CCDC66: variants seen among roughly 807,000 people sequenced by gnomAD.
CCDC66 encodes the protein coiled-coil domain containing 66.
CCDC66 carries 133 observed loss-of-function variants against 128.3 expected under a neutral mutation model. The ratio of observed to expected loss-of-function variants is 1.04; its 90% confidence interval spans 0.90 to 1.20. The LOEUF is 1.20. CCDC66 is among the 50% of genes most tolerant of loss of function. The probability of loss-of-function intolerance (pLI) is 0.00; values close to 1 mark genes in which losing one functional copy is unlikely to be tolerated. For synonymous variants in CCDC66, 387 were observed against 357.0 expected (o/e 1.08, Z -0.95); for missense variants, 1,126 against 1,075.5 (o/e 1.05, Z -0.66).
At chr3:56,610,625 TG>T (rs758514545) in intron 10 of CCDC66, among the ~76,000 whole-genome samples, 1 of 152,130 alleles carries the variant, frequency 6.6e-6, no homozygotes, top group Non-Finnish European at 1.5e-5. Flanking sequence ...GTGTGATTTT[TG>T]GGGGGGTGTT....
Position 56,563,837 on chromosome 3 carries a change from G to T in CCDC66, c.256G>T (p.Gly86Ter), listed in dbSNP as rs757581994. The change falls in exon 4 of 18, where the codon GGA becomes TGA. Residue 86 changes from glycine to a stop codon, truncating the protein, a stop_gained. Coordinates refer to ENST00000394672, the MANE Select transcript of CCDC66 (RefSeq NM_001141947.3). LOFTEE classifies it high-confidence loss of function. ...ATCACAGGCAAAAGGTGAAAAAAAT[G>T]GAATGACTTTTTCATCCACTAAGGA... ...ETSQAKGEKN[G>*]MTFSSTKDLC... The T allele has an allele frequency of 5.7e-6, 9 of 1,568,608 alleles. No individual in the cohort carries two copies. The highest frequency in any genetic ancestry group is 1.4e-5 in the African/African-American group (1 of 73,396).
chr3:56,613,010 G>A (rs1490661863), intron 10 of CCDC66, among the ~76,000 whole-genome samples: 1 of 152,228 alleles, frequency 6.6e-6, no homozygotes, highest in Non-Finnish European at 1.5e-5. Flanking sequence ...TTTGCTTTCA[G>A]TGGGTTGCTC....
intron 7 of CCDC66, among the ~76,000 whole-genome samples, chr3:56,573,418 G>A (rs1211159973): frequency 6.6e-6 from 1 of 152,202 alleles, no homozygotes; most frequent in Non-Finnish European, 1.5e-5. Flanking sequence ...GAAACTTCAA[G>A]GTGTTGGGGA....
At chr3:56,585,136 G>A (rs1233027300) in intron 7 of CCDC66, among the ~76,000 whole-genome samples, 1 of 120,098 alleles carries the variant, frequency 8.3e-6, no homozygotes, top group Non-Finnish European at 1.9e-5. Flanking sequence ...GGAGAGGGAG[G>A]GAGAGGGAGA....
chr3:56,573,324 C>G lies in CCDC66; in HGVS notation c.936+2022C>G, dbSNP rs139943751. Among the ~76,000 whole-genome samples, 431 of 152,206 alleles carry G rather than the reference C, an allele frequency of 2.8e-3. 6 individuals are homozygous for G. The highest frequency in any genetic ancestry group is 0.01 in the African/African-American group (417 of 41,542). ...AGGCTCATGAATTTGGAAAGGAGAA[C>G]TTTATTTCTCATCAGCAGTTGCAAC... On this transcript the variant is annotated intron_variant, in intron 7 of 17. Coordinates refer to ENST00000394672, the MANE Select transcript of CCDC66 (RefSeq NM_001141947.3).
In CCDC66 at chr3:56,619,561, T is replaced by C. The variant is rs558312694; in HGVS notation, c.2635+34T>C. 111 of 1,533,148 alleles carry C rather than the reference T, an allele frequency of 7.2e-5. No individual in the cohort carries two copies. In the South Asian group the frequency reaches 1.3e-3, roughly 17 times the overall value. 95.0% of individuals were successfully genotyped at this position (1,533,148 alleles called of 1,614,324 possible). On this transcript the variant is annotated intron_variant, in intron 16 of 17. Coordinates refer to ENST00000394672, the MANE Select transcript of CCDC66 (RefSeq NM_001141947.3). ...ATATTAAGCATTCTAACTGTAAAAA[T>C]TGAAGACCCATGTAAACCCCGTCAA... is the stretch of plus-strand genomic sequence containing the variant.
intron 6 of CCDC66, among the ~76,000 whole-genome samples, chr3:56,567,942 G>A (rs560253840): frequency 3.9e-5 from 6 of 152,072 alleles, no homozygotes; most frequent in Admixed American, 6.6e-5. Context: ...CACCTGCCTC[G>A]GCCTCCCAAA....
chr3:56,608,629 TTG>T (rs1291382463), intron 10 of CCDC66, among the ~76,000 whole-genome samples: 2 of 152,182 alleles, frequency 1.3e-5, no homozygotes, highest in Admixed American at 6.5e-5. Context: ...CTGATGTTGG[TTG>T]TTTCCTTTCT....
chr3:56,621,679 C>A lies in CCDC66; in HGVS notation c.*61C>A. On this transcript the variant is annotated 3_prime_UTR_variant, in exon 18 of 18. Coordinates refer to ENST00000394672, the MANE Select transcript of CCDC66 (RefSeq NM_001141947.3). ...TCTTCCAAATTATAAAATGTGCTCACTGGCTCAACTGTATTTTTCAAATAG... is the reference window on the plus strand; with the variant it reads ...TCTTCCAAATTATAAAATGTGCTCAATGGCTCAACTGTATTTTTCAAATAG... 8.9e-7 allele frequency: 1 copy of A among 1,128,050 alleles called. No homozygotes were observed. Among genetic ancestry groups the A allele is most frequent in the Non-Finnish European group, 1.3e-6 (1 of 772,056 alleles). The allele number at this position is 1,128,050 out of a possible 1,614,324, so 69.9% of individuals were successfully genotyped here. A position where few individuals can be genotyped will look rare whatever the true frequency, so the allele number is the denominator to read the frequency against.
chr3:56,562,207 C>G (rs2065196732), intron 3 of CCDC66, among the ~76,000 whole-genome samples: 1 of 151,708 alleles, frequency 6.6e-6, no homozygotes, highest in South Asian at 2.1e-4. Flanking sequence ...CCACCAGGCT[C>G]AGTTAATTGT....
intron 12 of CCDC66, among the ~76,000 whole-genome samples, chr3:56,615,593 A>G (rs957013044): frequency 6.6e-6 from 1 of 152,224 alleles, no homozygotes; most frequent in Non-Finnish European, 1.5e-5. Context: ...TTGTAGGAAT[A>G]TCAGACTTTA....
intron 3 of CCDC66, among the ~76,000 whole-genome samples, chr3:56,562,880 C>G (rs2065286231): frequency 6.6e-6 from 1 of 151,504 alleles, no homozygotes; most frequent in Non-Finnish European, 1.5e-5. Context: ...CTCCTGACCT[C>G]AGGCAATCCA....
intron 3 of CCDC66, chr3:56,560,861 G>T (rs1464179191): frequency 2.2e-6 from 1 of 455,990 alleles, no homozygotes; most frequent in Admixed American, 2.4e-5. Flanking sequence ...TATCTTTGCA[G>T]TGTCTTAAAG....
chr3:56,558,198 C>G (rs2064617772), intron 1 of CCDC66, among the ~76,000 whole-genome samples: 2 of 152,178 alleles, frequency 1.3e-5, no homozygotes, highest in Admixed American at 1.3e-4. Context: ...TTAATTTTCT[C>G]TCTCTGAATT....
intron 4 of CCDC66, among the ~76,000 whole-genome samples, chr3:56,564,362 GA>G (rs1398236045): frequency 1.3e-5 from 2 of 151,990 alleles, no homozygotes; most frequent in African/African-American, 4.8e-5. Flanking sequence ...GTGGATTTTA[GA>G]AAAAATGTTA....
chr3:56,569,851 TGAGACG>T (rs2066394355), intron 6 of CCDC66: 2 of 152,260 alleles, frequency 1.3e-5, no homozygotes. Context: ...GTTGTTGTTT[TGAGACG>T]GAGTTTCATT....
At chr3:56,598,488 GT>G (rs2107073454) in intron 10 of CCDC66, among the ~76,000 whole-genome samples, 1 of 151,984 alleles carries the variant, frequency 6.6e-6, no homozygotes, top group South Asian at 2.1e-4. Flanking sequence ...TCCTTGTTTT[GT>G]TTTAGCTCTT....
At chr3:56,620,602 A>G (rs2107481869) in intron 17 of CCDC66, 1 of 152,306 alleles carries the variant, frequency 6.6e-6, no homozygotes. Flanking sequence ...TTTTCCCTCT[A>G]CAGAACTAGA....
chr3:56,597,278 A>G (rs1296151963), intron 10 of CCDC66, among the ~76,000 whole-genome samples: 2 of 152,038 alleles, frequency 1.3e-5, no homozygotes, highest in Non-Finnish European at 2.9e-5. Flanking sequence ...TTATACCAAT[A>G]CCATGCTGTT....
Sources: allele counts gnomAD v4.1 joint callset (sites outside exome capture counted in the v4.1 genomes callset), GRCh38; gene constraint gnomAD v4.1.1; transcripts MANE v1.5; gene names NCBI Gene and HGNC (gene_info 2026-07-23, HGNC 2026-07-21).